The following ME2 variants were observed in gnomAD, a reference collection of about 807,000 sequenced individuals.
ME2 encodes the protein NAD-dependent malic enzyme, mitochondrial.
In ME2, 60 loss-of-function variants were observed where a neutral mutation model predicts 73.7. The ratio of observed to expected loss-of-function variants is 0.81; its 90% confidence interval spans 0.66 to 1.01. The LOEUF is 1.01. Ranked by LOEUF, ME2 falls within the 50% of genes least tolerant of loss-of-function variation. The pLI is 0.00. For synonymous variants in ME2, 199 were observed against 236.9 expected, an observed-to-expected ratio of 0.84 and a Z score of 1.47; for missense variants, 594 against 705.5, an observed-to-expected ratio of 0.84 and a Z score of 1.79.
chr18:50,884,605 C>T (rs974201249), intron 1 of ME2, among the ~76,000 whole-genome samples: 1 of 152,166 alleles, frequency 6.6e-6, no homozygotes, highest in East Asian at 1.9e-4. Flanking sequence ...CTCGGCCTCC[C>T]AAAGGGCTGG....
rs116519804 is a variant in ME2, at chr18:50,884,550, G to A, written c.-13+5242G>A. Among the ~76,000 whole-genome samples the A allele has an allele frequency of 2.6e-3, 389 of 152,244 alleles. 1 individual carries two copies. The highest frequency in any genetic ancestry group is 8.7e-3 in the African/African-American group (362 of 41,546). On this transcript the variant is annotated intron_variant, in intron 1 of 15. Coordinates refer to ENST00000321341, the MANE Select transcript of ME2 (RefSeq NM_002396.5). ...TTTAGTAGAGACTGGGTTTCACCAT[G>A]TTGATCAGGATAGCTTTGAAATCTT...
intron 2 of ME2, among the ~76,000 whole-genome samples, chr18:50,897,226 A>G (rs1479447344): frequency 7.2e-5 from 11 of 152,160 alleles, no homozygotes; most frequent in Non-Finnish European, 5.9e-5. Context: ...TTGGGCAGGG[A>G]CCATTCAAAT....
At chr18:50,899,901 G>T (rs1406533978) in intron 2 of ME2, among the ~76,000 whole-genome samples, 4 of 152,170 alleles carry the variant, frequency 2.6e-5, no homozygotes, top group African/African-American at 9.6e-5. Flanking sequence ...CTGGGTAGAT[G>T]GATGAATGCA....
intron 2 of ME2, among the ~76,000 whole-genome samples, chr18:50,907,382 T>C (rs1917042764): frequency 6.6e-6 from 1 of 152,238 alleles, no homozygotes; most frequent in Non-Finnish European, 1.5e-5. Context: ...GCTGCATTTC[T>C]TTGGTAAATT....
chr18:50,920,555 T>A lies in ME2; in HGVS notation c.834T>A (p.Asp278Glu), dbSNP rs1360229493. Residue 278 changes from aspartate to glutamate, a missense_variant, in exon 8 of 16, where the codon GAT becomes GAA. Coordinates refer to ENST00000321341, the MANE Select transcript of ME2 (RefSeq NM_002396.5). ...GAGAAAAATATTGTACTTTCAATGA[T>A]GATATTCAAGGTAAAGCAAAAAAAC... ...KYREKYCTFN[D>E]DIQGTAAVAL... 1.3e-6 allele frequency: 2 copies of A among 1,588,264 alleles called. No individual in the cohort carries two copies. Among genetic ancestry groups the A allele is most frequent in the African/African-American group, 2.7e-5 (2 of 73,132 alleles).
intron 1 of ME2, among the ~76,000 whole-genome samples, chr18:50,881,794 T>G (rs772862941): frequency 1.3e-5 from 2 of 152,260 alleles, no homozygotes; most frequent in Non-Finnish European, 2.9e-5. Flanking sequence ...CTAATAGTAA[T>G]GCTTATGATA....
In ME2 at chr18:50,931,577, G is replaced by A. The variant is rs569828989; in HGVS notation, c.1315-681G>A. Among the ~76,000 whole-genome samples the A allele has an allele frequency of 2.6e-5, 4 of 151,924 alleles. No individual in the cohort carries two copies. The East Asian group carries it at 7.7e-4, about 29-fold the overall frequency. On this transcript the variant is annotated intron_variant, in intron 12 of 15. Coordinates refer to ENST00000321341, the MANE Select transcript of ME2 (RefSeq NM_002396.5). The stretch of plus-strand genomic sequence containing the variant: ...GATATATAGTAAATGACAGCCATTT[G>A]TTTTGGTATTTCCCCTTCATTCATC...
intron 4 of ME2, among the ~76,000 whole-genome samples, chr18:50,914,049 G>A (rs1389810239): frequency 6.6e-6 from 1 of 152,012 alleles, no homozygotes; most frequent in Admixed American, 6.6e-5. Flanking sequence ...AAACTTTAAT[G>A]TGTGTAAGAA....
At chr18:50,880,507 C>T (rs1300396840) in intron 1 of ME2, among the ~76,000 whole-genome samples, 1 of 152,196 alleles carries the variant, frequency 6.6e-6, no homozygotes, top group East Asian at 1.9e-4. Context: ...TACATATAGG[C>T]CGTTCGCGGT....
rs57428974 is a variant in ME2 at position 50,941,353 on chromosome 18, C to CTTTTTTTTTTTTT, written c.1587+986_1587+998dup. Among the ~76,000 whole-genome samples the CTTTTTTTTTTTTT allele has an allele frequency of 1.0e-3, 67 of 63,844 alleles. 17 individuals are homozygous for CTTTTTTTTTTTTT. Among genetic ancestry groups the CTTTTTTTTTTTTT allele is most frequent in the African/African-American group, 3.1e-3 (39 of 12,428 alleles). 41.9% of individuals were successfully genotyped at this position (63,844 alleles called of 152,430 possible). On this transcript the variant is annotated intron_variant, in intron 15 of 15. Transcript: ENST00000321341. Reference sequence around the variant, plus strand: ...TCTTTGTGTGTATTTGTGATGGTTTCTTTTTTTTTTTTTTTTTTTTTTTTT... The same window carrying CTTTTTTTTTTTTT: ...TCTTTGTGTGTATTTGTGATGGTTTCTTTTTTTTTTTTTTTTTTTTTTTTTTTTTTTTTTTTTT...
intron 10 of ME2, among the ~76,000 whole-genome samples, chr18:50,923,551 G>T (rs1160530464): frequency 1.3e-5 from 2 of 152,018 alleles, no homozygotes; most frequent in Non-Finnish European, 2.9e-5. Context: ...TTGAGCCCAG[G>T]AGTTTGAGAC....
intron 9 of ME2, 46 bp downstream of exon 9, chr18:50,920,804 A>T (rs748122922): frequency 7.1e-7 from 1 of 1,409,860 alleles, no homozygotes; most frequent in South Asian, 1.2e-5. Flanking sequence ...CCTCTCTTAT[A>T]GAATTAGAAA....
intron 4 of ME2, among the ~76,000 whole-genome samples, chr18:50,914,551 T>C (rs1424763668): frequency 6.6e-6 from 1 of 152,194 alleles, no homozygotes; most frequent in Non-Finnish European, 1.5e-5. Flanking sequence ...TTGTTGTTCA[T>C]TTTGTTTTTG....
chr18:50,942,886 G>T (rs975975440), intron 15 of ME2: 3 of 226,210 alleles, frequency 1.3e-5, no homozygotes, highest in African/African-American at 6.7e-5. Flanking sequence ...TTTTTAATAT[G>T]CATAGTCCGT....
chr18:50,889,025 TTCTTC>T (rs1166958784), intron 1 of ME2, among the ~76,000 whole-genome samples: 5 of 147,114 alleles, frequency 3.4e-5, no homozygotes, highest in Non-Finnish European at 5.9e-5. Flanking sequence ...AACATTCCAG[TTCTTC>T]TCTTTTAGCT....
At chr18:50,907,301 C>G (rs1221638400) in intron 2 of ME2, among the ~76,000 whole-genome samples, 1 of 152,130 alleles carries the variant, frequency 6.6e-6, no homozygotes. Flanking sequence ...TGTTAGTTTT[C>G]GATTTAAAAC....
At chr18:50,885,488 A>T (rs537987854) in intron 1 of ME2, among the ~76,000 whole-genome samples, 1 of 152,240 alleles carries the variant, frequency 6.6e-6, no homozygotes, top group East Asian at 1.9e-4. Flanking sequence ...ACTGTATTCC[A>T]GCCTGAGTGA....
At chr18:50,899,569 G>A (rs1162355407) in intron 2 of ME2, among the ~76,000 whole-genome samples, 1 of 152,188 alleles carries the variant, frequency 6.6e-6, no homozygotes, top group African/African-American at 2.4e-5. Context: ...GTGAGATCGT[G>A]CCACTGCACT....
intron 12 of ME2, among the ~76,000 whole-genome samples, chr18:50,927,721 C>CGT (rs1555678357): frequency 1.2e-5 from 1 of 85,450 alleles, no homozygotes; most frequent in Admixed American, 1.8e-4. Context: ...CCCAAAAAAC[C>CGT]ATATATATAT....
Sources: gnomAD v4.1 joint callset for allele counts (sites outside exome capture counted in the v4.1 genomes callset) on GRCh38, gnomAD v4.1.1 for gene constraint, MANE v1.5 for transcripts, NCBI Gene and HGNC (gene_info 2026-07-23, HGNC 2026-07-21) for gene names.